The following ERAP1 variants were observed in gnomAD, a reference collection of about 807,000 sequenced individuals.
ERAP1 encodes adipocyte-derived leucine aminopeptidase.
ERAP1 carries 86 observed loss-of-function variants against 103.7 expected under a neutral mutation model. The observed-to-expected ratio is 0.83, with a 90% CI of 0.70 to 0.99. The LOEUF is 0.99. Ranked by LOEUF, ERAP1 falls within the 50% of genes least tolerant of loss-of-function variation. ERAP1 has a pLI of 0.00. For synonymous variants in ERAP1, 398 were observed against 402.4 expected, an observed-to-expected ratio of 0.99 and a Z score of 0.13; for missense variants, 1,009 against 1,128.4, an observed-to-expected ratio of 0.89 and a Z score of 1.52.
At chr5:96,875,529 C>T in the ERAP1 span, among the ~76,000 whole-genome samples, 3 of 123,768 alleles carry the variant, frequency 2.4e-5, no homozygotes, top group Non-Finnish European at 5.0e-5. Flanking sequence ...GAGTGAGACC[C>T]TATCTCAAAA....
Position 96,774,546 on chromosome 5 carries a change from G to GTATC in ERAP1, c.*1846_*1849dup, listed in dbSNP as rs1322243173. ...TTCTGCACATTGTTGTGGCAATATTGTATCTGTTTAGAAAATGGGCTTTTC... is the reference window on the plus strand; with the variant it reads ...TTCTGCACATTGTTGTGGCAATATTGTATCTATCTGTTTAGAAAATGGGCTTTTC... On this transcript the variant is annotated 3_prime_UTR_variant, in exon 19 of 19. Coordinates refer to ENST00000443439, the MANE Select transcript of ERAP1 (RefSeq NM_001040458.3). The GTATC allele has an allele frequency of 7.1e-6, 7 of 985,754 alleles. No homozygotes were observed. Among genetic ancestry groups the GTATC allele is most frequent in the Admixed American group, 6.2e-5 (1 of 16,256 alleles). 61.1% of individuals were successfully genotyped at this position (985,754 alleles called of 1,614,324 possible).
chr5:96,882,255 G>C, the ERAP1 span, among the ~76,000 whole-genome samples: 5 of 152,166 alleles, frequency 3.3e-5, 1 homozygote, highest in African/African-American at 1.2e-4. Flanking sequence ...TTCAAATGCC[G>C]AAGGCCCCAT....
intron 2 of ERAP1, 55 bp downstream of exon 2, chr5:96,803,348 T>A: frequency 2.0e-6 from 3 of 1,517,768 alleles, no homozygotes; most frequent in Non-Finnish European, 2.7e-6. Context: ...TCTGAAATAA[T>A]GAATTTAGCG....
At chr5:96,935,004 C>G in the ERAP1 span, 1 of 152,256 alleles carries the variant, frequency 6.6e-6, no homozygotes, top group African/African-American at 2.4e-5. Context: ...GGTTCGGCCT[C>G]GGAGGCTAGC....
At chr5:96,913,134 G>T in the ERAP1 span, among the ~76,000 whole-genome samples, 1 of 152,084 alleles carries the variant, frequency 6.6e-6, no homozygotes, top group Non-Finnish European at 1.5e-5. Flanking sequence ...AAATGTTTTT[G>T]ATAGGAACAA....
At chr5:96,784,757 T>C (rs1775765984) in intron 13 of ERAP1, 2 of 153,004 alleles carry the variant, frequency 1.3e-5, no homozygotes, top group Non-Finnish European at 2.9e-5. Context: ...AAACCATGAG[T>C]TCCTGGAGGA....
At chr5:96,867,346 A>C in the ERAP1 span, among the ~76,000 whole-genome samples, 1 of 152,124 alleles carries the variant, frequency 6.6e-6, no homozygotes, top group African/African-American at 2.4e-5. Flanking sequence ...TTATGGCTGC[A>C]TAACAAATTA....
In ERAP1 at chr5:96,803,554, G is replaced by A. The variant is rs757645504; in HGVS notation, c.373C>T (p.His125Tyr). ...AGTGCAATTTGCTCCTGACGGGGGT[G>A]TTCCAGGACCTGCAGGGGTTCTTCC... ...LSEEPLQVLE[H>Y]PRQEQIALLA... Residue 125 changes from histidine to tyrosine, a missense_variant, in exon 2 of 19, where the codon CAC becomes TAC. This residue lies in a region of ERAP1 where 392 missense variants were observed against 455.2 expected (regional missense o/e 0.86). Coordinates refer to ENST00000443439, the MANE Select transcript of ERAP1 (RefSeq NM_001040458.3). 4 of 1,613,848 alleles carry A rather than the reference G, an allele frequency of 2.5e-6. No individual in the cohort carries two copies. Among genetic ancestry groups the A allele is most frequent in the Non-Finnish European group, 3.4e-6 (4 of 1,179,718 alleles).
chr5:96,766,066 C>G, intron 19 of ERAP1: 1 of 1,600,694 alleles, frequency 6.2e-7, no homozygotes, highest in South Asian at 1.1e-5. Context: ...AAAGCTAAAG[C>G]TGAACATAGA....
rs148723817 is a variant in ERAP1 at position 96,782,393 on chromosome 5, T to A, written c.2286-539A>T. Among the ~76,000 whole-genome samples the A allele has an allele frequency of 6.6e-5, 10 of 152,338 alleles. No individual in the cohort carries two copies. In the East Asian group the frequency reaches 1.9e-3, roughly 29 times the overall value. ...CCTTCTCAAAAATGTGAAATGCCAT[T>A]TTTATAAATACCTACATATTTAAAT... On this transcript the variant is annotated intron_variant, in intron 15 of 18. Coordinates refer to ENST00000443439, the MANE Select transcript of ERAP1 (RefSeq NM_001040458.3).
At chr5:96,873,836 T>A in the ERAP1 span, among the ~76,000 whole-genome samples, 8 of 151,976 alleles carry the variant, frequency 5.3e-5, no homozygotes, top group Non-Finnish European at 7.4e-5. Context: ...TATGTTCTAG[T>A]GAGGAGACAA....
intron 1 of ERAP1, among the ~76,000 whole-genome samples, chr5:96,806,623 CT>C (rs75649816): frequency 0.012 from 1,531 of 127,784 alleles, 10 homozygotes; most frequent in African/African-American, 0.042. Flanking sequence ...CAAGATCCCT[CT>C]TTTTTTTTTT....
exon 20 of ERAP1, chr5:96,763,123 A>G: frequency 1.3e-6 from 1 of 779,648 alleles, no homozygotes; most frequent in Non-Finnish European, 2.4e-6. Flanking sequence ...ACTTTAGCGA[A>G]GTCAGCTATG....
rs869087385 is a variant in ERAP1, at chr5:96,775,267, AG to A, written c.*1128del. On this transcript the variant is annotated 3_prime_UTR_variant, in exon 19 of 19. Coordinates refer to ENST00000443439, the MANE Select transcript of ERAP1 (RefSeq NM_001040458.3). ...CAACCGTGTGTGAAGTCTTCACAAA[AG>A]AAAGAAAGACTTCAAAGCCAAAGAA... The A allele has an allele frequency of 3.7e-5, 1 of 27,162 alleles. No homozygotes were observed. The highest frequency in any genetic ancestry group is 5.4e-5 in the Non-Finnish European group (1 of 18,658). 1.7% of individuals were successfully genotyped at this position (27,162 alleles called of 1,614,324 possible). A position where few individuals can be genotyped will look rare whatever the true frequency, so the allele number is the denominator to read the frequency against.
At chr5:96,891,533 TATAC>T in the ERAP1 span, among the ~76,000 whole-genome samples, 1 of 85,904 alleles carries the variant, frequency 1.2e-5, no homozygotes, top group African/African-American at 5.1e-5. Context: ...ATACGGTATA[TATAC>T]ACACACACAC....
At chr5:96,799,700 A>T (rs746824531) in intron 3 of ERAP1, among the ~76,000 whole-genome samples, 57 of 152,198 alleles carry the variant, frequency 3.7e-4, no homozygotes, top group Non-Finnish European at 6.9e-4. Context: ...ATACCACAAT[A>T]CTGGGGGAGA....
chr5:96,927,005 C>T, the ERAP1 span, among the ~76,000 whole-genome samples: 1 of 152,026 alleles, frequency 6.6e-6, no homozygotes, highest in East Asian at 1.9e-4. Context: ...TTCATAGAGA[C>T]GGGGTTTCAC....
At chr5:96,789,288 A>T (rs1024234395) in intron 10 of ERAP1, among the ~76,000 whole-genome samples, 3 of 152,180 alleles carry the variant, frequency 2.0e-5, no homozygotes, top group African/African-American at 7.2e-5. Flanking sequence ...GGAGTTCAAG[A>T]CCAGCCTGGC....
At chr5:96,796,522 G>C (rs1777362187) in intron 4 of ERAP1, among the ~76,000 whole-genome samples, 1 of 152,186 alleles carries the variant, frequency 6.6e-6, no homozygotes, top group Non-Finnish European at 1.5e-5. Flanking sequence ...AGCAACCTTA[G>C]AGACCATTGC....
Sources: allele counts gnomAD v4.1 joint callset (sites outside exome capture counted in the v4.1 genomes callset), GRCh38; gene constraint gnomAD v4.1.1; regional missense constraint gnomAD v4.1.1; transcripts MANE v1.5; gene names NCBI Gene and HGNC (gene_info 2026-07-23, HGNC 2026-07-21).